The following TENM3 variants were observed in gnomAD, a reference collection of about 807,000 sequenced individuals.
The protein encoded by TENM3 is teneurin-3.
In TENM3, 63 loss-of-function variants were observed where a neutral mutation model predicts 255.1. The ratio of observed to expected loss-of-function variants is 0.25; its 90% CI spans 0.20 to 0.30. The LOEUF (loss-of-function observed/expected upper bound fraction) is 0.30, where lower values mean the gene tolerates loss of function less well. Ranked by LOEUF, TENM3 falls within the 10% of genes least tolerant of loss-of-function variation. The pLI, the probability that TENM3 is intolerant of heterozygous loss-of-function variation, is 1.00. For missense variants in TENM3, 2,929 were observed against 3,461.1 expected (o/e 0.85, Z 3.86); for synonymous variants, 1,306 against 1,322.3 (o/e 0.99, Z 0.27).
chr4:182,021,452 T>C, the TENM3 span, among the ~76,000 whole-genome samples: 1 of 152,164 alleles, frequency 6.6e-6, no homozygotes, highest in Non-Finnish European at 1.5e-5. Flanking sequence ...TTCACCTAAA[T>C]GCTTCTACTG....
the TENM3 span, among the ~76,000 whole-genome samples, chr4:181,685,523 T>A: frequency 1.3e-5 from 2 of 152,180 alleles, no homozygotes; most frequent in Non-Finnish European, 2.9e-5. Flanking sequence ...TACAATTTTA[T>A]AAGAATTTTT....
At chr4:182,360,576 A>G (rs1765894007) in intron 3 of TENM3, among the ~76,000 whole-genome samples, 1 of 152,042 alleles carries the variant, frequency 6.6e-6, no homozygotes, top group African/African-American at 2.4e-5. Context: ...TTTGCTTGGT[A>G]GGTCTTCCTC....
At chr4:181,485,481 A>ATTT in the TENM3 span, among the ~76,000 whole-genome samples, 140 of 150,888 alleles carry the variant, frequency 9.3e-4, no homozygotes, top group Middle Eastern at 0.017. Context: ...GTAGAAGAAG[A>ATTT]TTTTTTTTAA....
the TENM3 span, among the ~76,000 whole-genome samples, chr4:181,746,988 A>G: frequency 6.6e-6 from 1 of 152,062 alleles, no homozygotes; most frequent in African/African-American, 2.4e-5. Context: ...ATCTCTGCAT[A>G]TGTATATATT....
chr4:182,667,505 C>G (rs992678909), intron 6 of TENM3, among the ~76,000 whole-genome samples: 4 of 152,060 alleles, frequency 2.6e-5, no homozygotes, highest in Admixed American at 2.6e-4. Context: ...TACCTTTTGT[C>G]AGAAAAAGTC....
the TENM3 span, among the ~76,000 whole-genome samples, chr4:181,677,090 C>A: frequency 6.6e-6 from 1 of 151,440 alleles, no homozygotes; most frequent in Non-Finnish European, 1.5e-5. Context: ...TTGGGAGTGC[C>A]TCAAAACTTC....
intron 1 of TENM3, among the ~76,000 whole-genome samples, chr4:182,321,040 G>A (rs769501728): frequency 3.3e-5 from 5 of 152,064 alleles, no homozygotes; most frequent in South Asian, 2.1e-4. Flanking sequence ...TTCAAATCCC[G>A]AATCTTTATT....
intron 3 of TENM3, among the ~76,000 whole-genome samples, chr4:182,529,386 T>C (rs1461314015): frequency 6.6e-6 from 1 of 152,180 alleles, no homozygotes; most frequent in Non-Finnish European, 1.5e-5. Context: ...CGATTTTTCA[T>C]TAACTTTCTT....
chr4:181,746,123 C>G, the TENM3 span, among the ~76,000 whole-genome samples: 10 of 151,888 alleles, frequency 6.6e-5, no homozygotes, highest in Non-Finnish European at 1.2e-4. Context: ...CAGCTGCAGG[C>G]TGACTGAGTT....
intron 3 of TENM3, among the ~76,000 whole-genome samples, chr4:182,555,655 A>C (rs758608293): frequency 3.9e-5 from 6 of 152,348 alleles, no homozygotes; most frequent in Non-Finnish European, 8.8e-5. Context: ...GACTCAGTAC[A>C]TCAAGAAAAC....
the TENM3 span, among the ~76,000 whole-genome samples, chr4:181,608,540 AT>A: frequency 1.3e-5 from 2 of 151,654 alleles, no homozygotes; most frequent in Admixed American, 6.6e-5. Flanking sequence ...TTGAGAACTA[AT>A]GCCTTGGATT....
chr4:181,513,378 C>G, the TENM3 span, among the ~76,000 whole-genome samples: 1 of 152,050 alleles, frequency 6.6e-6, no homozygotes, highest in South Asian at 2.1e-4. Flanking sequence ...TCTACTTTTA[C>G]CAGCCAGAAG....
At chr4:182,735,920 A>G (rs1019647787) in intron 16 of TENM3, among the ~76,000 whole-genome samples, 2 of 152,202 alleles carry the variant, frequency 1.3e-5, no homozygotes, top group African/African-American at 2.4e-5. Flanking sequence ...GGTTAAGAGT[A>G]TAATTTTTTT....
At chr4:182,736,458 G>C (rs1387449568) in intron 16 of TENM3, among the ~76,000 whole-genome samples, 3 of 152,216 alleles carry the variant, frequency 2.0e-5, no homozygotes, top group Non-Finnish European at 2.9e-5. Flanking sequence ...ATGTCAGCCT[G>C]ATGGAGCAGT....
chr4:181,469,108 G>A, the TENM3 span, among the ~76,000 whole-genome samples: 46 of 152,234 alleles, frequency 3.0e-4, 1 homozygote, highest in East Asian at 8.1e-3. Flanking sequence ...TATTGCAGTT[G>A]TCAATTGTCA....
At chr4:181,885,918 A>G in the TENM3 span, among the ~76,000 whole-genome samples, 1 of 152,216 alleles carries the variant, frequency 6.6e-6, no homozygotes, top group Non-Finnish European at 1.5e-5. Flanking sequence ...TGGATTTGAA[A>G]GTGCAGTCCC....
chr4:182,786,276 G>T (rs1200481644), intron 24 of TENM3, among the ~76,000 whole-genome samples: 1 of 152,122 alleles, frequency 6.6e-6, no homozygotes, highest in Non-Finnish European at 1.5e-5. Context: ...GGAAGCCAGG[G>T]CTGGGCACGG....
intron 6 of TENM3, among the ~76,000 whole-genome samples, chr4:182,668,188 A>G (rs1754883476): frequency 6.6e-6 from 1 of 152,156 alleles, no homozygotes; most frequent in African/African-American, 2.4e-5. Context: ...GGTGTCTTCA[A>G]TAAAAGAGGC....
chr4:181,581,714 A>C, the TENM3 span, among the ~76,000 whole-genome samples: 1 of 151,210 alleles, frequency 6.6e-6, no homozygotes, highest in African/African-American at 2.4e-5. Context: ...TCCCTCTTTC[A>C]AAGTTCCGCT....
Sources: gnomAD v4.1 joint callset for allele counts (sites outside exome capture counted in the v4.1 genomes callset) on GRCh38, gnomAD v4.1.1 for gene constraint, MANE v1.5 for transcripts, NCBI Gene and HGNC (gene_info 2026-07-23, HGNC 2026-07-21) for gene names.